The following FER variants were observed in gnomAD, a reference collection of about 807,000 sequenced individuals.
The protein encoded by FER is FER tyrosine kinase.
In FER, 63 loss-of-function variants were observed where a neutral mutation model predicts 111.0. That is an observed-to-expected ratio of 0.57 (90% CI 0.46 to 0.70). The LOEUF (loss-of-function observed/expected upper bound fraction) is 0.70, where lower values mean the gene tolerates loss of function less well. Ranked by LOEUF, FER falls within the 30% of genes least tolerant of loss-of-function variation. FER has a pLI of 0.00. For synonymous variants in FER, 327 were observed against 313.9 expected (o/e 1.04, Z -0.44); for missense variants, 914 against 954.0 (o/e 0.96, Z 0.55).
chr5:109,042,610 C>T (rs140256214), intron 14 of FER, among the ~76,000 whole-genome samples: 161 of 152,206 alleles, frequency 1.1e-3, no homozygotes, highest in African/African-American at 3.5e-3. Flanking sequence ...ATGCCAGTAC[C>T]TCTTAAAATA....
At chr5:109,052,378 G>A (rs1043937066) in intron 16 of FER, 1 of 1,571,758 alleles carries the variant, frequency 6.4e-7, no homozygotes, top group African/African-American at 1.4e-5. Context: ...GAAAAGTACT[G>A]ACAGCCACAC....
At chr5:109,052,124 C>T (rs1338887063) in intron 16 of FER, 1 of 1,604,344 alleles carries the variant, frequency 6.2e-7, no homozygotes, top group Non-Finnish European at 8.5e-7. Flanking sequence ...ACCTTGAGTT[C>T]CTCCTCTTTC....
At chr5:108,870,284 C>A (rs1272799302) in intron 6 of FER, among the ~76,000 whole-genome samples, 2 of 151,940 alleles carry the variant, frequency 1.3e-5, no homozygotes. Flanking sequence ...TTCATTTTTC[C>A]TCCCCATTTG....
At chr5:109,127,472 C>A (rs1360488867) in intron 17 of FER, among the ~76,000 whole-genome samples, 1 of 152,078 alleles carries the variant, frequency 6.6e-6, no homozygotes, top group East Asian at 1.9e-4. Flanking sequence ...GACGTGATCT[C>A]GGCTCACTGC....
chr5:108,781,193 TTTTG>T (rs535516169), intron 2 of FER, among the ~76,000 whole-genome samples: 2 of 152,174 alleles, frequency 1.3e-5, no homozygotes, highest in Non-Finnish European at 2.9e-5. Context: ...GACTGTGTTT[TTTTG>T]TTTGTTTGTT....
intron 10 of FER, among the ~76,000 whole-genome samples, chr5:108,920,866 A>G (rs1581205913): frequency 6.6e-6 from 1 of 152,148 alleles, no homozygotes; most frequent in Non-Finnish European, 1.5e-5. Context: ...AATCCTCACC[A>G]TGAACTCAAT....
chr5:108,989,480 A>G (rs532778353), intron 13 of FER, among the ~76,000 whole-genome samples: 47 of 152,198 alleles, frequency 3.1e-4, no homozygotes, highest in Non-Finnish European at 4.9e-4. Context: ...TATGAATCCA[A>G]TGAAATATTG....
At chr5:109,099,515 A>G (rs1210438623) in intron 16 of FER, among the ~76,000 whole-genome samples, 1 of 151,574 alleles carries the variant, frequency 6.6e-6, no homozygotes, top group African/African-American at 2.4e-5. Flanking sequence ...ATTTACATCT[A>G]AATTGAGATG....
At chr5:108,840,197 G>A (rs890116094) in intron 5 of FER, among the ~76,000 whole-genome samples, 2 of 152,044 alleles carry the variant, frequency 1.3e-5, no homozygotes, top group Non-Finnish European at 2.9e-5. Flanking sequence ...CTTCTAAAAA[G>A]CCACAATGCA....
At chr5:108,841,787 C>T in intron 5 of FER, 1 of 404,816 alleles carries the variant, frequency 2.5e-6, no homozygotes, top group Admixed American at 3.1e-5. Context: ...CAATGGTGTG[C>T]AAAATACTCA....
intron 8 of FER, among the ~76,000 whole-genome samples, chr5:108,879,704 ATATATATAT>A (rs1765484569): frequency 2.6e-5 from 3 of 114,832 alleles, no homozygotes; most frequent in African/African-American, 1.3e-4. Flanking sequence ...AAAAAAAAAT[ATATATATAT>A]ATATATATAT....
At chr5:109,117,991 G>A (rs996109632) in intron 17 of FER, among the ~76,000 whole-genome samples, 1,836 of 151,996 alleles carry the variant, frequency 0.012, 28 homozygotes, top group Non-Finnish European at 0.015. Context: ...CTAATTGAAT[G>A]CCCTTTATTT....
intron 17 of FER, among the ~76,000 whole-genome samples, chr5:109,126,248 G>A (rs1751702270): frequency 6.6e-6 from 1 of 152,102 alleles, no homozygotes; most frequent in Admixed American, 6.5e-5. Context: ...CTAGTCCCTT[G>A]GCCCCATTTT....
intron 4 of FER, among the ~76,000 whole-genome samples, chr5:108,833,611 A>C (rs1760282436): frequency 6.6e-6 from 1 of 152,094 alleles, no homozygotes; most frequent in Non-Finnish European, 1.5e-5. Flanking sequence ...GCGGTACCTC[A>C]CACCTGTAAT....
chr5:108,952,442 A>G (rs1353827672), intron 11 of FER, among the ~76,000 whole-genome samples: 1 of 142,436 alleles, frequency 7.0e-6, no homozygotes, highest in African/African-American at 2.4e-5. Flanking sequence ...ATACCCAGGC[A>G]GGGGATATGT....
chr5:108,978,352 G>GA (rs1308981616), intron 13 of FER, among the ~76,000 whole-genome samples: 1 of 152,114 alleles, frequency 6.6e-6, no homozygotes, highest in Non-Finnish European at 1.5e-5. Context: ...TTGCATGTCT[G>GA]AAGCTGCAAT....
chr5:108,820,246 G>A (rs1580714543), intron 3 of FER: 2 of 985,374 alleles, frequency 2.0e-6, no homozygotes, highest in Non-Finnish European at 2.4e-6. Flanking sequence ...TGTGAGGATG[G>A]CACTAAATAA....
At chr5:108,861,347 G>C (rs1298803268) in intron 5 of FER, among the ~76,000 whole-genome samples, 1 of 152,106 alleles carries the variant, frequency 6.6e-6, no homozygotes, top group Non-Finnish European at 1.5e-5. Flanking sequence ...TTACATAATT[G>C]AGTTTTGCTA....
intron 8 of FER, among the ~76,000 whole-genome samples, chr5:108,877,432 G>A (rs1765200575): frequency 6.6e-6 from 1 of 152,210 alleles, no homozygotes; most frequent in Non-Finnish European, 1.5e-5. Context: ...TGGGTATTAG[G>A]AGGTGACTGT....
Sources: gnomAD v4.1 joint callset for allele counts (sites outside exome capture counted in the v4.1 genomes callset) on GRCh38, gnomAD v4.1.1 for gene constraint, MANE v1.5 for transcripts, NCBI Gene and HGNC (gene_info 2026-07-23, HGNC 2026-07-21) for gene names.